Variants in SMLR1 observed in about 807,000 individuals in gnomAD.
The protein encoded by SMLR1 is small leucine rich protein 1, also known as small leucine-rich protein 1.
A neutral mutation model predicts 6.1 loss-of-function variants in SMLR1; 3 were observed. The observed-to-expected ratio is 0.49, with a 90% confidence interval of 0.22 to 1.28. SMLR1 has a LOEUF of 1.28. Among genes scored for constraint, SMLR1 ranks in the 50% most tolerant of loss-of-function variants. The probability of loss-of-function intolerance (pLI) is 0.19; values close to 1 mark genes in which losing one functional copy is unlikely to be tolerated. For missense variants in SMLR1, 126 were observed against 124.8 expected, an observed-to-expected ratio of 1.01 and a Z score of -0.05; for synonymous variants, 55 against 53.6, an observed-to-expected ratio of 1.03 and a Z score of -0.11.
At chr6:130,834,844 T>G (rs753590986) in intron 1 of SMLR1, 26 bp from the exon 2 acceptor site, 10 of 1,526,100 alleles carry the variant, frequency 6.6e-6, no homozygotes, top group Non-Finnish European at 8.8e-6. Context: ...TGTCTCCAAA[T>G]TATTAACTAA....
chr6:130,835,203 C>T lies in SMLR1; in HGVS notation c.*248C>T. On this transcript the variant is annotated 3_prime_UTR_variant, in exon 2 of 2. Coordinates refer to ENST00000541421, the MANE Select transcript of SMLR1 (RefSeq NM_001195597.2). Reference sequence around the variant, plus strand: ...GGATTTCCTGGGTATATACACTGGACACATTGTAACTTTTTAACTTTTATT... The same window carrying T: ...GGATTTCCTGGGTATATACACTGGATACATTGTAACTTTTTAACTTTTATT... 2.5e-6 allele frequency: 1 copy of T among 403,444 alleles called. No individual in the cohort carries two copies. The allele number at this position is 403,444 out of a possible 1,614,324, so 25.0% of individuals were successfully genotyped here.
At position 130,834,850 on chromosome 6, in the gene SMLR1, A is replaced by G. The variant is rs1774597700; in HGVS notation, c.239-20A>G. The G allele has an allele frequency of 6.5e-7, 1 of 1,528,556 alleles. No homozygotes were observed. Among genetic ancestry groups the G allele is most frequent in the Non-Finnish European group, 8.8e-7 (1 of 1,140,296 alleles). The allele number at this position is 1,528,556 out of a possible 1,614,324, so 94.7% of individuals were successfully genotyped here. On this transcript the variant is annotated intron_variant, in intron 1 of 1. Transcript: ENST00000541421. ...GCACTCAGATGTCTCCAAATTATTAACTAATATTTTTCCTTTCAGTTAATG... is the reference window on the plus strand; with the variant it reads ...GCACTCAGATGTCTCCAAATTATTAGCTAATATTTTTCCTTTCAGTTAATG...
intron 1 of SMLR1, among the ~76,000 whole-genome samples, chr6:130,832,633 G>C (rs1774499509): frequency 1.3e-5 from 2 of 152,194 alleles, no homozygotes; most frequent in Admixed American, 1.3e-4. Context: ...AGAAGGCACT[G>C]TTTGTGTCAT....
intron 1 of SMLR1, among the ~76,000 whole-genome samples, chr6:130,828,857 T>C (rs1774357009): frequency 6.6e-6 from 1 of 152,328 alleles, no homozygotes; most frequent in African/African-American, 2.4e-5. Context: ...AAGACCAGTC[T>C]GTTGGATGCT....
At chr6:130,831,276 G>C (rs1774436611) in intron 1 of SMLR1, among the ~76,000 whole-genome samples, 1 of 152,114 alleles carries the variant, frequency 6.6e-6, no homozygotes, top group Non-Finnish European at 1.5e-5. Flanking sequence ...ATTCCCTCCA[G>C]AAGTTTATAT....
intron 1 of SMLR1, 46 bp downstream of exon 1, chr6:130,827,697 C>A: frequency 7.2e-7 from 1 of 1,384,300 alleles, no homozygotes; most frequent in Non-Finnish European, 9.9e-7. Flanking sequence ...TCCTTTCCCA[C>A]AGCACATCTT....
intron 1 of SMLR1, among the ~76,000 whole-genome samples, chr6:130,830,109 C>A (rs975509871): frequency 6.6e-6 from 1 of 152,112 alleles, no homozygotes; most frequent in Non-Finnish European, 1.5e-5. Context: ...AGGCATCTGG[C>A]AAAATCAGCA....
At chr6:130,833,088 C>G (rs1270535942) in intron 1 of SMLR1, among the ~76,000 whole-genome samples, 1 of 152,172 alleles carries the variant, frequency 6.6e-6, no homozygotes, top group East Asian at 1.9e-4. Flanking sequence ...GGCCAACTGC[C>G]TATCGAATCT....
At chr6:130,830,126 AGAG>A (rs1282876761) in intron 1 of SMLR1, among the ~76,000 whole-genome samples, 3 of 152,184 alleles carry the variant, frequency 2.0e-5, no homozygotes, top group Non-Finnish European at 4.4e-5. Flanking sequence ...AGCAGAAGTT[AGAG>A]GAGGTGTTGC....
chr6:130,829,324 T>G (rs1300747598), intron 1 of SMLR1, among the ~76,000 whole-genome samples: 1 of 152,224 alleles, frequency 6.6e-6, no homozygotes, highest in Non-Finnish European at 1.5e-5. Flanking sequence ...GTTTTACTCA[T>G]TCCTGGAAAA....
At chr6:130,829,651 A>G (rs1177567335) in intron 1 of SMLR1, among the ~76,000 whole-genome samples, 3 of 152,210 alleles carry the variant, frequency 2.0e-5, no homozygotes, top group Non-Finnish European at 4.4e-5. Context: ...ACTCAATACA[A>G]TTGAAACTAC....
rs1482528152 is a variant in SMLR1, at chr6:130,834,975, A to T, written c.*20A>T. 23 of 1,526,016 alleles carry T rather than the reference A, an allele frequency of 1.5e-5. No homozygotes were observed. The highest frequency in any genetic ancestry group is 2.0e-5 in the Admixed American group (1 of 50,944). 94.5% of individuals were successfully genotyped at this position (1,526,016 alleles called of 1,614,324 possible). On this transcript the variant is annotated 3_prime_UTR_variant, in exon 2 of 2. Transcript: ENST00000541421. Reference sequence around the variant, plus strand: ...ACGTGAAGTTGGGGACTTTCCAATAACTAAAGCACAATGAGTTTCTACTGG... The same window carrying T: ...ACGTGAAGTTGGGGACTTTCCAATATCTAAAGCACAATGAGTTTCTACTGG...
chr6:130,834,920 G>A lies in SMLR1; in HGVS notation c.289G>A (p.Gly97Ser). ...NCDRQHNPKD[G>S]SSLYQRMKWT ...TGATCGCCAACATAATCCCAAGGAT[G>A]GCTCTTCCCTGTACCAGAGAATGAA... The change falls in exon 2 of 2, where the codon GGC (glycine) becomes AGC (serine). Residue 97 changes from glycine to serine, a missense_variant. Coordinates refer to ENST00000541421, the MANE Select transcript of SMLR1 (RefSeq NM_001195597.2). The A allele has an allele frequency of 1.3e-6, 2 of 1,535,370 alleles. No individual in the cohort carries two copies. The highest frequency in any genetic ancestry group is 3.9e-5 in the Admixed American group (2 of 50,972).
rs554298581 is a variant in SMLR1 at position 130,832,158 on chromosome 6, G to C, written c.239-2712G>C. Among the ~76,000 whole-genome samples, 6 of 152,080 alleles carry C rather than the reference G, an allele frequency of 3.9e-5. No individual in the cohort carries two copies. In the South Asian group the frequency reaches 1.2e-3, roughly 32 times the overall value. On this transcript the variant is annotated intron_variant, in intron 1 of 1. Transcript: ENST00000541421. ...TCATTATCTTATTTCCCTAAGTCCT[G>C]AGATTCCCAAACCTTTACTTCCAGG...
chr6:130,835,056 A>G lies in SMLR1; in HGVS notation c.*101A>G, dbSNP rs1377782656. On this transcript the variant is annotated 3_prime_UTR_variant, in exon 2 of 2. Transcript: ENST00000541421. ...TAAAGTAGGTTGATAAACTAGAACCATAGCAAAATAGAAAGAATACTAAGA... is the reference window on the plus strand; with the variant it reads ...TAAAGTAGGTTGATAAACTAGAACCGTAGCAAAATAGAAAGAATACTAAGA... The G allele has an allele frequency of 6.6e-6, 6 of 903,604 alleles. No individual in the cohort carries two copies. In the East Asian group the frequency reaches 1.3e-4, roughly 20 times the overall value. 56.0% of individuals were successfully genotyped at this position (903,604 alleles called of 1,614,324 possible). A position where few individuals can be genotyped will look rare whatever the true frequency, so the allele number is the denominator to read the frequency against.
intron 1 of SMLR1, among the ~76,000 whole-genome samples, chr6:130,831,947 T>C (rs1217529984): frequency 6.6e-6 from 1 of 152,200 alleles, no homozygotes. Flanking sequence ...TTAATTAGTA[T>C]GTAGGGAACA....
rs1018255728 is a variant in SMLR1, at chr6:130,836,117, C to A, written c.*1162C>A. On this transcript the variant is annotated 3_prime_UTR_variant, in exon 2 of 2. Coordinates refer to ENST00000541421, the MANE Select transcript of SMLR1 (RefSeq NM_001195597.2). Reference sequence around the variant, plus strand: ...TTCCCCTCAGCCCCACCCTAAAATTCTTGATACCCATTCCGTGAGTAGTTT... The same window carrying A: ...TTCCCCTCAGCCCCACCCTAAAATTATTGATACCCATTCCGTGAGTAGTTT... The A allele has an allele frequency of 6.6e-6, 1 of 152,162 alleles. No individual in the cohort carries two copies. Among genetic ancestry groups the A allele is most frequent in the Non-Finnish European group, 1.5e-5 (1 of 68,038 alleles). 9.4% of individuals were successfully genotyped at this position (152,162 alleles called of 1,614,324 possible). A position where few individuals can be genotyped will look rare whatever the true frequency, so the allele number is the denominator to read the frequency against.
chr6:130,829,961 C>T (rs1053351509), intron 1 of SMLR1, among the ~76,000 whole-genome samples: 2 of 152,150 alleles, frequency 1.3e-5, no homozygotes, highest in Non-Finnish European at 1.5e-5. Context: ...TTCTGGATAG[C>T]GATAATTCTC....
intron 1 of SMLR1, among the ~76,000 whole-genome samples, chr6:130,834,190 A>T (rs1484571749): frequency 1.3e-5 from 2 of 152,178 alleles, no homozygotes; most frequent in Non-Finnish European, 1.5e-5. Flanking sequence ...TGCCAGAGAC[A>T]TAATAGTTGA....
Sources: allele counts gnomAD v4.1 joint callset (sites outside exome capture counted in the v4.1 genomes callset), GRCh38; gene constraint gnomAD v4.1.1; transcripts MANE v1.5; gene names NCBI Gene and HGNC (gene_info 2026-07-23, HGNC 2026-07-21).